Variants in COL22A1 observed in about 807,000 individuals in gnomAD.
The protein encoded by COL22A1 is collagen type XXII alpha 1 chain.
A neutral mutation model predicts 248.9 loss-of-function variants in COL22A1; 221 were observed. That is an observed-to-expected ratio of 0.89 (90% confidence interval 0.80 to 0.99). The LOEUF is 0.99. Ranked by LOEUF, COL22A1 falls within the 50% of genes least tolerant of loss-of-function variation. The pLI, the probability that COL22A1 is intolerant of heterozygous loss-of-function variation, is 0.00. For missense variants in COL22A1, 2,240 were observed against 2,179.0 expected (o/e 1.03, Z -0.56); for synonymous variants, 891 against 793.4 (o/e 1.12, Z -2.07).
chr8:138,669,549 G>A (rs1163486222), intron 41 of COL22A1, among the ~76,000 whole-genome samples: 1 of 152,186 alleles, frequency 6.6e-6, no homozygotes, highest in Non-Finnish European at 1.5e-5. Context: ...AACAAAGAGT[G>A]CAGACTTCAG....
chr8:138,640,299 C>T (rs1412428756), intron 47 of COL22A1, among the ~76,000 whole-genome samples: 1 of 152,114 alleles, frequency 6.6e-6, no homozygotes, highest in Non-Finnish European at 1.5e-5. Flanking sequence ...TACATTCATA[C>T]CAGGAATTGC....
At chr8:138,649,809 A>G in intron 45 of COL22A1, 31 bp from the exon 46 acceptor site, 1 of 1,349,692 alleles carries the variant, frequency 7.4e-7, no homozygotes, top group Non-Finnish European at 1.0e-6. Flanking sequence ...GGGGACAAAG[A>G]GAGAATAACT....
intron 56 of COL22A1, among the ~76,000 whole-genome samples, chr8:138,611,813 G>A (rs1006031906): frequency 1.3e-5 from 2 of 152,150 alleles, no homozygotes; most frequent in Admixed American, 1.3e-4. Flanking sequence ...AACCTCATAG[G>A]ACCTGCCACA....
intron 45 of COL22A1, 40 bp from the exon 46 acceptor site, chr8:138,649,818 C>T: frequency 7.9e-7 from 1 of 1,265,666 alleles, no homozygotes; most frequent in Non-Finnish European, 1.1e-6. Flanking sequence ...GAGAGAATAA[C>T]TAGCAAATAC....
At chr8:138,685,618 G>A (rs1478792023) in intron 37 of COL22A1, among the ~76,000 whole-genome samples, 4 of 152,094 alleles carry the variant, frequency 2.6e-5, no homozygotes, top group African/African-American at 9.7e-5. Context: ...TATGAGTAGC[G>A]TCTTTTAAAG....
chr8:138,636,490 G>GGAAAGGAAAGGAAAT (rs1261936443), intron 48 of COL22A1, among the ~76,000 whole-genome samples: 17 of 128,408 alleles, frequency 1.3e-4, no homozygotes, highest in African/African-American at 5.1e-4. Context: ...AGAAAGGAAA[G>GGAAAGGAAAGGAAAT]GAAAGGAAAG....
intron 30 of COL22A1, among the ~76,000 whole-genome samples, chr8:138,711,321 C>T (rs942269715): frequency 6.6e-6 from 1 of 152,188 alleles, no homozygotes; most frequent in East Asian, 1.9e-4. Context: ...AGGCAAAGCA[C>T]AGTCAGAAGA....
intron 16 of COL22A1, among the ~76,000 whole-genome samples, chr8:138,763,726 C>G (rs1050403395): frequency 6.6e-6 from 1 of 152,208 alleles, no homozygotes; most frequent in Non-Finnish European, 1.5e-5. Flanking sequence ...CTTCTGCCTT[C>G]CCTGCCTCCT....
chr8:138,773,942 C>T (rs28461252), intron 16 of COL22A1, among the ~76,000 whole-genome samples: 16,120 of 152,196 alleles, frequency 0.11, 2,242 homozygotes, highest in African/African-American at 0.32. Context: ...CTCCGCTACA[C>T]GGGGATTGAA....
At chr8:138,750,758 G>T (rs111900363) in intron 22 of COL22A1, among the ~76,000 whole-genome samples, 1 of 152,144 alleles carries the variant, frequency 6.6e-6, no homozygotes, top group African/African-American at 2.4e-5. Flanking sequence ...CAAGCTTAAC[G>T]GTTACAGTTC....
chr8:138,627,534 C>T (rs1820341818), intron 50 of COL22A1, among the ~76,000 whole-genome samples: 1 of 152,206 alleles, frequency 6.6e-6, no homozygotes, highest in Admixed American at 6.5e-5. Context: ...AAGAACTCCA[C>T]CTCTGACTCG....
chr8:138,904,606 A>G (rs1814872501), intron 1 of COL22A1, among the ~76,000 whole-genome samples: 1 of 140,422 alleles, frequency 7.1e-6, no homozygotes, highest in Non-Finnish European at 1.5e-5. Context: ...AATTCTTCCC[A>G]ATTTTTTTTC....
At chr8:138,645,614 T>C (rs1192067268) in intron 47 of COL22A1, among the ~76,000 whole-genome samples, 2 of 152,290 alleles carry the variant, frequency 1.3e-5, no homozygotes, top group Non-Finnish European at 2.9e-5. Flanking sequence ...GGCACAGTAA[T>C]AAGCCTGTAG....
Position 138,699,296 on chromosome 8 carries a change from T to C in COL22A1, c.2592+816A>G, listed in dbSNP as rs62527944. ...CAGTCTGTCTACCTGCTTCCTTCTT[T>C]TGCATCACACGCAGGATTCTTTTAA... On this transcript the variant is annotated intron_variant, in intron 32 of 64. Transcript: ENST00000303045. Among the ~76,000 whole-genome samples the C allele has an allele frequency of 6.5e-3, 992 of 152,304 alleles. 7 individuals carry two copies. The highest frequency in any genetic ancestry group is 0.019 in the African/African-American group (802 of 41,574).
chr8:138,607,926 G>C lies in COL22A1; in HGVS notation c.4032+10C>G. ...CTGATGCCATCACATAGCAGCCAAA[G>C]AGAACTCACAGGGGTTCCTGAAGGG... On this transcript the variant is annotated intron_variant, in intron 57 of 64. Transcript: ENST00000303045. 1 of 1,613,784 alleles carries C rather than the reference G, an allele frequency of 6.2e-7. No homozygotes were observed. The highest frequency in any genetic ancestry group is 8.5e-7 in the Non-Finnish European group (1 of 1,179,798).
intron 61 of COL22A1, among the ~76,000 whole-genome samples, chr8:138,597,391 C>T (rs2131810268): frequency 1.3e-5 from 2 of 152,294 alleles, no homozygotes; most frequent in South Asian, 4.1e-4. Flanking sequence ...TATGTGAACT[C>T]ATGTGGATTT....
intron 58 of COL22A1, among the ~76,000 whole-genome samples, 177 bp from the exon 59 acceptor site, chr8:138,604,946 GC>G (rs899814674): frequency 4.6e-5 from 7 of 152,116 alleles, no homozygotes; most frequent in African/African-American, 1.7e-4. Context: ...GCAGGGGAAA[GC>G]AAAAAATCAC....
intron 6 of COL22A1, among the ~76,000 whole-genome samples, chr8:138,825,120 G>C (rs1819481880): frequency 6.6e-6 from 1 of 152,164 alleles, no homozygotes; most frequent in Non-Finnish European, 1.5e-5. Flanking sequence ...AAATGGAGAA[G>C]CAAGACCTGT....
chr8:138,609,565 G>T (rs925267712), intron 56 of COL22A1, among the ~76,000 whole-genome samples: 12 of 152,114 alleles, frequency 7.9e-5, no homozygotes, highest in Non-Finnish European at 1.8e-4. Context: ...CCCATACTCG[G>T]CCCTTCCGCG....
Sources: gnomAD v4.1 joint callset for allele counts (sites outside exome capture counted in the v4.1 genomes callset) on GRCh38, gnomAD v4.1.1 for gene constraint, MANE v1.5 for transcripts, NCBI Gene and HGNC (gene_info 2026-07-23, HGNC 2026-07-21) for gene names.